The following FUT8 variants were observed in gnomAD, a reference collection of about 807,000 sequenced individuals.
FUT8 encodes the protein alpha-(1,6)-fucosyltransferase.
A neutral mutation model predicts 71.3 loss-of-function variants in FUT8; 29 were observed. The ratio of observed to expected loss-of-function variants is 0.41; its 90% CI spans 0.30 to 0.55. The LOEUF (loss-of-function observed/expected upper bound fraction) is 0.55, where lower values mean the gene tolerates loss of function less well. Among genes scored for constraint, FUT8 ranks in the 20% least tolerant of loss-of-function variants. FUT8 has a pLI of 0.34. For synonymous variants in FUT8, 254 were observed against 239.3 expected (o/e 1.06, Z -0.57); for missense variants, 544 against 702.1 (o/e 0.77, Z 2.55).
the FUT8 span, among the ~76,000 whole-genome samples, chr14:65,371,234 G>C: frequency 6.6e-6 from 1 of 152,188 alleles, no homozygotes; most frequent in Non-Finnish European, 1.5e-5. Context: ...CTTTCACAGT[G>C]TACAGAACTT....
chr14:65,417,694 T>C (rs1381264793), intron 1 of FUT8, among the ~76,000 whole-genome samples: 1 of 152,176 alleles, frequency 6.6e-6, no homozygotes, highest in African/African-American at 2.4e-5. Context: ...CGTTTTGAAT[T>C]TATAAATCTT....
intron 1 of FUT8, among the ~76,000 whole-genome samples, chr14:65,453,241 T>G (rs1382084148): frequency 2.6e-5 from 4 of 152,052 alleles, no homozygotes; most frequent in Non-Finnish European, 1.5e-5. Flanking sequence ...TGGGCTCAAG[T>G]GATCCTCCTG....
At chr14:65,707,347 A>G (rs1894603052) in intron 7 of FUT8, among the ~76,000 whole-genome samples, 1 of 151,850 alleles carries the variant, frequency 6.6e-6, no homozygotes, top group Admixed American at 6.6e-5. Context: ...TTTAAATTGG[A>G]TTATTTGCTT....
At chr14:65,515,292 T>C (rs544659835) in intron 2 of FUT8, among the ~76,000 whole-genome samples, 1 of 152,236 alleles carries the variant, frequency 6.6e-6, no homozygotes, top group African/African-American at 2.4e-5. Flanking sequence ...AGAATGTTTT[T>C]TGGGGGACTC....
At chr14:65,625,361 A>G (rs1056551359) in intron 5 of FUT8, among the ~76,000 whole-genome samples, 17 of 152,286 alleles carry the variant, frequency 1.1e-4, no homozygotes, top group African/African-American at 3.9e-4. Flanking sequence ...TTTCCCCCTC[A>G]GTAACTATAA....
intron 2 of FUT8, among the ~76,000 whole-genome samples, chr14:65,474,441 G>GGAAAAAAAAAAAA: frequency 2.5e-5 from 1 of 39,692 alleles, no homozygotes; most frequent in Admixed American, 3.0e-4. Flanking sequence ...TGTCTCTACT[G>GGAAAAAAAAAAAA]AAAAAAAAAA....
intron 5 of FUT8, among the ~76,000 whole-genome samples, chr14:65,624,760 C>T (rs1455499569): frequency 6.6e-6 from 1 of 152,236 alleles, no homozygotes; most frequent in East Asian, 1.9e-4. Flanking sequence ...TATGACATCT[C>T]CAGCACGATA....
At chr14:65,466,920 A>G (rs571854042) in intron 2 of FUT8, among the ~76,000 whole-genome samples, 2 of 152,092 alleles carry the variant, frequency 1.3e-5, no homozygotes, top group Non-Finnish European at 2.9e-5. Flanking sequence ...ATTCCTTATA[A>G]CATTACTTTT....
chr14:65,463,433 A>G (rs1287809972), intron 2 of FUT8, among the ~76,000 whole-genome samples: 2 of 151,472 alleles, frequency 1.3e-5, no homozygotes, highest in East Asian at 3.9e-4. Context: ...TGCCTGGCTA[A>G]TTTTTTGCAT....
the FUT8 span, among the ~76,000 whole-genome samples, chr14:65,366,369 T>C: frequency 6.6e-6 from 1 of 152,216 alleles, no homozygotes; most frequent in African/African-American, 2.4e-5. Flanking sequence ...GAGACTTAAA[T>C]GGACCAGACT....
intron 2 of FUT8, among the ~76,000 whole-genome samples, chr14:65,499,547 C>A (rs1187830374): frequency 6.6e-6 from 1 of 152,012 alleles, no homozygotes; most frequent in Non-Finnish European, 1.5e-5. Context: ...GGTGCAGTGG[C>A]TTGTGCCTGT....
chr14:65,666,668 T>A (rs1892232934), intron 6 of FUT8, among the ~76,000 whole-genome samples: 1 of 152,112 alleles, frequency 6.6e-6, no homozygotes, highest in Admixed American at 6.6e-5. Flanking sequence ...CCCTAACTCA[T>A]TCTGTGAGGG....
intron 3 of FUT8, 105 bp downstream of exon 3, chr14:65,561,871 G>A: frequency 1.1e-6 from 1 of 888,214 alleles, no homozygotes; most frequent in Non-Finnish European, 1.7e-6. Flanking sequence ...TTTATAACCT[G>A]CTGTCTTTGC....
At chr14:65,621,437 A>G (rs893241611) in intron 5 of FUT8, among the ~76,000 whole-genome samples, 6 of 151,658 alleles carry the variant, frequency 4.0e-5, no homozygotes, top group Non-Finnish European at 5.9e-5. Context: ...TTTAGTAGAG[A>G]CAGGGTTTCA....
chr14:65,363,803 TACC>T, the FUT8 span, among the ~76,000 whole-genome samples: 1 of 152,340 alleles, frequency 6.6e-6, no homozygotes, highest in Non-Finnish European at 1.5e-5. Flanking sequence ...ACTCAGGTTT[TACC>T]ACTTCTTTGA....
At chr14:65,421,749 T>TCCCC (rs2065300991) in intron 1 of FUT8, among the ~76,000 whole-genome samples, 3 of 31,212 alleles carry the variant, frequency 9.6e-5, no homozygotes, top group Non-Finnish European at 1.5e-4. Context: ...ACCCCCCCCT[T>TCCCC]TTTTTTTTTT....
intron 1 of FUT8, among the ~76,000 whole-genome samples, chr14:65,455,279 G>C (rs1418353724): frequency 6.6e-6 from 1 of 152,174 alleles, no homozygotes; most frequent in Admixed American, 6.5e-5. Context: ...GGTCTGAAAA[G>C]AGGTACACTT....
intron 5 of FUT8, chr14:65,617,041 G>A: frequency 6.4e-7 from 1 of 1,553,792 alleles, no homozygotes; most frequent in Non-Finnish European, 8.6e-7. Context: ...TAAATACAGT[G>A]AAACCTGTCT....
the FUT8 span, among the ~76,000 whole-genome samples, chr14:65,365,202 C>T: frequency 2.0e-5 from 3 of 152,196 alleles, no homozygotes; most frequent in African/African-American, 7.2e-5. Context: ...GCTAGACCCT[C>T]AGCTGCTTTG....
Sources: allele counts gnomAD v4.1 joint callset (sites outside exome capture counted in the v4.1 genomes callset), GRCh38; gene constraint gnomAD v4.1.1; transcripts MANE v1.5; gene names NCBI Gene and HGNC (gene_info 2026-07-23, HGNC 2026-07-21).